The following IQSEC1 variants were observed in gnomAD, a reference collection of about 807,000 sequenced individuals.
IQSEC1 encodes the protein IQ motif and SEC7 domain-containing protein 1.
A neutral mutation model predicts 91.0 loss-of-function variants in IQSEC1; 31 were observed. The ratio of observed to expected loss-of-function variants is 0.34; its 90% confidence interval spans 0.26 to 0.46. The LOEUF (loss-of-function observed/expected upper bound fraction) is 0.46. Ranked by LOEUF, IQSEC1 falls within the 20% of genes least tolerant of loss-of-function variation. IQSEC1 has a pLI of 1.00. For synonymous variants in IQSEC1, 699 were observed against 662.6 expected (o/e 1.05, Z -0.84); for missense variants, 1,388 against 1,575.6 (o/e 0.88, Z 2.02).
intron 6 of IQSEC1, among the ~76,000 whole-genome samples, chr3:12,916,059 T>C (rs1696058974): frequency 6.6e-6 from 1 of 152,136 alleles, no homozygotes; most frequent in Non-Finnish European, 1.5e-5. Flanking sequence ...ATCATCTCCA[T>C]TCCACAGATG....
chr3:12,899,849 G>T lies in IQSEC1; in HGVS notation c.*1134C>A. ...GGCGGGATGAGGACGTTATGGTGTT[G>T]GGGAGACGAGGATGAGAGCTGGTCA... On this transcript the variant is annotated 3_prime_UTR_variant, in exon 14 of 14. Coordinates refer to ENST00000613206, the MANE Select transcript of IQSEC1 (RefSeq NM_001134382.3). The T allele has an allele frequency of 1.0e-6, 1 of 985,314 alleles. No homozygotes were observed. The highest frequency in any genetic ancestry group is 1.1e-4 in the East Asian group (1 of 8,814). The allele number at this position is 985,314 out of a possible 1,614,324, so 61.0% of individuals were successfully genotyped here.
intron 1 of IQSEC1, among the ~76,000 whole-genome samples, chr3:13,257,890 A>G (rs1695319912): frequency 6.6e-6 from 1 of 152,246 alleles, no homozygotes; most frequent in Non-Finnish European, 1.5e-5. Context: ...TAGCAGCTTC[A>G]TTCATGACTG....
intron 1 of IQSEC1, among the ~76,000 whole-genome samples, chr3:13,228,829 G>A (rs190201523): frequency 4.6e-5 from 7 of 152,282 alleles, no homozygotes; most frequent in East Asian, 1.9e-4. Context: ...TCTCGGTACC[G>A]ACAGGATCCC....
At chr3:13,213,688 C>A (rs1467745757) in intron 1 of IQSEC1, among the ~76,000 whole-genome samples, 1 of 152,136 alleles carries the variant, frequency 6.6e-6, no homozygotes. Flanking sequence ...TACCAGACTG[C>A]AAGCTAAGCA....
intron 2 of IQSEC1, among the ~76,000 whole-genome samples, chr3:13,111,519 C>T (rs1274590895): frequency 6.6e-6 from 1 of 152,180 alleles, no homozygotes; most frequent in African/African-American, 2.4e-5. Context: ...AAGCACCTGA[C>T]CCCTGGGCTA....
chr3:13,019,088 C>A (rs1018618361), intron 1 of IQSEC1, among the ~76,000 whole-genome samples: 1 of 152,220 alleles, frequency 6.6e-6, no homozygotes, highest in South Asian at 2.1e-4. Flanking sequence ...ACTCTACAGG[C>A]GAGGAAACAA....
chr3:12,906,071 A>T (rs1487750829), intron 12 of IQSEC1, among the ~76,000 whole-genome samples: 2 of 152,118 alleles, frequency 1.3e-5, no homozygotes, highest in East Asian at 3.9e-4. Context: ...TCTCCTGAGG[A>T]TGGGTTCCTT....
In IQSEC1 at chr3:12,899,370, C is replaced by T. The variant is rs777292773; in HGVS notation, c.*1613G>A. On this transcript the variant is annotated 3_prime_UTR_variant, in exon 14 of 14. Transcript: ENST00000613206. ...CTCCGCCTGGGCAGGCGCCGGGGGG[C>T]AGTCCTCGGGTCCCATGGCTTAGGA... 6.2e-7 allele frequency: 1 copy of T among 1,612,298 alleles called. No individual in the cohort carries two copies. Among genetic ancestry groups the T allele is most frequent in the South Asian group, 1.1e-5 (1 of 90,958 alleles).
chr3:13,088,132 T>C (rs948373000), intron 2 of IQSEC1, among the ~76,000 whole-genome samples: 1 of 152,136 alleles, frequency 6.6e-6, no homozygotes, highest in Non-Finnish European at 1.5e-5. Context: ...GATCACTTTG[T>C]GTGTTTACCA....
chr3:13,194,120 C>T (rs527894122), intron 1 of IQSEC1, among the ~76,000 whole-genome samples: 5 of 152,190 alleles, frequency 3.3e-5, no homozygotes, highest in East Asian at 1.9e-4. Context: ...GCCACCACCA[C>T]GAGCTCATTT....
chr3:13,042,780 G>A (rs983695898), intron 1 of IQSEC1, among the ~76,000 whole-genome samples: 1 of 152,194 alleles, frequency 6.6e-6, no homozygotes, highest in Non-Finnish European at 1.5e-5. Context: ...AGGCCCTGGG[G>A]CTCCGGGTGG....
intron 1 of IQSEC1, among the ~76,000 whole-genome samples, chr3:13,046,907 C>G (rs12498047): frequency 0.19 from 28,641 of 152,238 alleles, 2,853 homozygotes; most frequent in South Asian, 0.37. Flanking sequence ...GAACAAGGAT[C>G]TGCTGGCTTC....
intron 1 of IQSEC1, among the ~76,000 whole-genome samples, chr3:13,164,642 G>A (rs1693446499): frequency 1.3e-5 from 2 of 152,182 alleles, no homozygotes; most frequent in Admixed American, 1.3e-4. Context: ...ATATTACAAA[G>A]GAGACAACCT....
intron 1 of IQSEC1, among the ~76,000 whole-genome samples, chr3:13,229,842 T>G (rs1344074458): frequency 6.6e-6 from 1 of 152,250 alleles, no homozygotes; most frequent in Non-Finnish European, 1.5e-5. Flanking sequence ...CTGTGTGAAC[T>G]TGGGCAAGTG....
intron 1 of IQSEC1, among the ~76,000 whole-genome samples, chr3:13,180,936 G>C (rs1305723912): frequency 6.6e-6 from 1 of 152,170 alleles, no homozygotes; most frequent in African/African-American, 2.4e-5. Context: ...CTTCATTCTT[G>C]AAGTCAGTGA....
intron 1 of IQSEC1, among the ~76,000 whole-genome samples, chr3:13,233,784 TCCCGGCAGGCTCCTGGGGAGCAAAG>T (rs1694874121): frequency 6.6e-6 from 1 of 152,130 alleles, no homozygotes; most frequent in African/African-American, 2.4e-5. Context: ...GAGTGAGGGC[TCCCGGCAGGCTCCTGGGGAGCAAAG>T]CCCGGCTCCC....
In IQSEC1 at chr3:12,941,862, G is replaced by A. The variant is rs368596525; in HGVS notation, c.27C>T (p.Val9=). Residue 9 remains valine (V), a synonymous_variant, in exon 2 of 14, where the codon GTC becomes GTT. Coordinates refer to ENST00000613206, the MANE Select transcript of IQSEC1 (RefSeq NM_001134382.3). The stretch of plus-strand genomic sequence containing the variant: ...TCTCACTGCTGGGGGCCTCGCCCTC[G>A]ACGCTGCAGAGGAGAGAGAGGTGAG... MACRRRYF[V]EGEAPSSETG... 69 of 1,591,654 alleles carry A rather than the reference G, an allele frequency of 4.3e-5. 1 individual carries two copies. In the South Asian group the frequency reaches 5.4e-4, roughly 12 times the overall value.
intron 2 of IQSEC1, among the ~76,000 whole-genome samples, chr3:13,097,785 T>C (rs551251755): frequency 2.6e-5 from 4 of 152,244 alleles, no homozygotes; most frequent in Non-Finnish European, 5.9e-5. Context: ...GCATTCAACT[T>C]TAAATTGATT....
At chr3:13,247,034 G>C (rs1323085472) in intron 1 of IQSEC1, among the ~76,000 whole-genome samples, 1 of 152,176 alleles carries the variant, frequency 6.6e-6, no homozygotes. Flanking sequence ...ACGCCTTTCA[G>C]CTTGTGGGAC....
Sources: gnomAD v4.1 joint callset for allele counts (sites outside exome capture counted in the v4.1 genomes callset) on GRCh38, gnomAD v4.1.1 for gene constraint, MANE v1.5 for transcripts, NCBI Gene and HGNC (gene_info 2026-07-23, HGNC 2026-07-21) for gene names.